LCLAT1: variants seen among roughly 807,000 people sequenced by gnomAD.
The protein encoded by LCLAT1 is lysocardiolipin acyltransferase 1.
A neutral mutation model predicts 30.7 loss-of-function variants in LCLAT1; 11 were observed. The ratio of observed to expected loss-of-function variants is 0.36; its 90% CI spans 0.23 to 0.59. The LOEUF is 0.59. LCLAT1 is among the 20% of genes least tolerant of loss of function. The pLI, the probability that LCLAT1 is intolerant of heterozygous loss-of-function variation, is 0.77. For synonymous variants in LCLAT1, 155 were observed against 151.3 expected, an observed-to-expected ratio of 1.02 and a Z score of -0.18; for missense variants, 402 against 458.6, an observed-to-expected ratio of 0.88 and a Z score of 1.13.
intron 1 of LCLAT1, among the ~76,000 whole-genome samples, chr2:30,487,383 A>C (rs1683609792): frequency 6.6e-6 from 1 of 152,204 alleles, no homozygotes; most frequent in Admixed American, 6.5e-5. Context: ...TAATTTAATA[A>C]ATTGAAACAA....
intron 1 of LCLAT1, among the ~76,000 whole-genome samples, chr2:30,500,943 C>G (rs1684346605): frequency 1.3e-5 from 2 of 152,050 alleles, no homozygotes; most frequent in Admixed American, 6.6e-5. Context: ...TGAAACTTAC[C>G]AAATCACCGT....
At chr2:30,513,194 G>T (rs1006689115) in intron 1 of LCLAT1, among the ~76,000 whole-genome samples, 1 of 151,784 alleles carries the variant, frequency 6.6e-6, no homozygotes, top group African/African-American at 2.4e-5. Context: ...ATGTGTTAGG[G>T]TTTTTCACTG....
chr2:30,516,999 T>G (rs1263973453), intron 1 of LCLAT1, among the ~76,000 whole-genome samples: 1 of 152,190 alleles, frequency 6.6e-6, no homozygotes, highest in Non-Finnish European at 1.5e-5. Flanking sequence ...ACTGTCATCC[T>G]GAATTCCCGG....
intron 5 of LCLAT1, among the ~76,000 whole-genome samples, chr2:30,609,665 A>G (rs891699460): frequency 3.3e-5 from 5 of 152,148 alleles, no homozygotes; most frequent in African/African-American, 9.6e-5. Flanking sequence ...TTTTGTGTGC[A>G]TAACTGTTTA....
intron 1 of LCLAT1, among the ~76,000 whole-genome samples, chr2:30,451,196 A>G (rs1321334623): frequency 2.0e-5 from 3 of 152,232 alleles, no homozygotes; most frequent in Non-Finnish European, 4.4e-5. Flanking sequence ...AATAACTAAA[A>G]TTAAAAAGAT....
intron 5 of LCLAT1, among the ~76,000 whole-genome samples, chr2:30,610,965 ATACCAAACACTG>A (rs1165485791): frequency 2.0e-5 from 3 of 151,696 alleles, no homozygotes; most frequent in African/African-American, 7.3e-5. Flanking sequence ...TATGTAATAG[ATACCAAACACTG>A]AGTTTAATTT....
intron 5 of LCLAT1, among the ~76,000 whole-genome samples, chr2:30,572,786 A>G (rs1665839791): frequency 6.6e-6 from 1 of 151,734 alleles, no homozygotes; most frequent in African/African-American, 2.4e-5. Flanking sequence ...ATGAAAAAAT[A>G]TATATAAAGG....
chr2:30,604,368 T>C (rs1392022431), intron 5 of LCLAT1, among the ~76,000 whole-genome samples: 1 of 152,174 alleles, frequency 6.6e-6, no homozygotes, highest in Non-Finnish European at 1.5e-5. Context: ...TTAATCAGCA[T>C]TGGTAAGCGT....
intron 2 of LCLAT1, among the ~76,000 whole-genome samples, chr2:30,528,631 A>T (rs1237183157): frequency 6.6e-6 from 1 of 152,216 alleles, no homozygotes; most frequent in African/African-American, 2.4e-5. Flanking sequence ...GGACTTACTG[A>T]TAGTGTGATC....
chr2:30,614,194 C>G (rs1257159940), intron 5 of LCLAT1, among the ~76,000 whole-genome samples: 2 of 84,376 alleles, frequency 2.4e-5, no homozygotes, highest in Non-Finnish European at 2.4e-5. Context: ...GGTGATGACT[C>G]TTAAGGAGCA....
chr2:30,512,885 A>T (rs1685008334), intron 1 of LCLAT1, among the ~76,000 whole-genome samples: 1 of 152,172 alleles, frequency 6.6e-6, no homozygotes, highest in Non-Finnish European at 1.5e-5. Flanking sequence ...TACTTACATG[A>T]ACAATGTTGT....
chr2:30,535,616 G>A (rs960736432), intron 3 of LCLAT1, among the ~76,000 whole-genome samples: 1 of 152,128 alleles, frequency 6.6e-6, no homozygotes, highest in African/African-American at 2.4e-5. Flanking sequence ...CCAAAGTCAA[G>A]GCACCCTACC....
intron 5 of LCLAT1, among the ~76,000 whole-genome samples, chr2:30,578,002 C>T (rs1373016049): frequency 6.6e-6 from 1 of 152,028 alleles, no homozygotes; most frequent in Non-Finnish European, 1.5e-5. Context: ...CTTTTAAACA[C>T]TTTGCCTTTT....
chr2:30,621,633 A>T (rs1239758562), intron 5 of LCLAT1, among the ~76,000 whole-genome samples: 1 of 152,144 alleles, frequency 6.6e-6, no homozygotes, highest in Non-Finnish European at 1.5e-5. Context: ...AAGTGTGAGA[A>T]GGGGAACCCG....
intron 3 of LCLAT1, chr2:30,552,520 C>T (rs1031301588): frequency 2.2e-6 from 1 of 449,330 alleles, no homozygotes; most frequent in Non-Finnish European, 4.5e-6. Context: ...CCTAATGATA[C>T]AGGCATACTA....
At chr2:30,480,340 A>G (rs907804545) in intron 1 of LCLAT1, among the ~76,000 whole-genome samples, 1 of 151,940 alleles carries the variant, frequency 6.6e-6, no homozygotes, top group Admixed American at 6.6e-5. Context: ...ACAGGTGTAC[A>G]CCACCATGCT....
intron 5 of LCLAT1, among the ~76,000 whole-genome samples, chr2:30,568,864 C>CA (rs61325694): frequency 0.12 from 10,892 of 88,968 alleles, 805 homozygotes; most frequent in South Asian, 0.24. Context: ...TCATGAATAG[C>CA]AAAAAAAAAA....
rs149878298 is a variant in LCLAT1 at position 30,510,491 on chromosome 2, C to G, written c.-4-15096C>G. Among the ~76,000 whole-genome samples, 96 of 152,162 alleles carry G rather than the reference C, an allele frequency of 6.3e-4. 1 individual carries two copies. The highest frequency in any genetic ancestry group is 2.2e-3 in the African/African-American group (90 of 41,550). On this transcript the variant is annotated intron_variant, in intron 1 of 5. Coordinates refer to ENST00000379509, the MANE Select transcript of LCLAT1 (RefSeq NM_001002257.3). ...TTGTATGTAACCTGTTTTTTCCTTT[C>G]TAGAAGGTTTGTGGAACGTTCTTTG...
chr2:30,491,974 T>C (rs1683854810), intron 1 of LCLAT1, among the ~76,000 whole-genome samples: 1 of 152,218 alleles, frequency 6.6e-6, no homozygotes, highest in Non-Finnish European at 1.5e-5. Flanking sequence ...AACGTTTTTA[T>C]TCCTAAAGGG....
Sources: gnomAD v4.1 joint callset for allele counts (sites outside exome capture counted in the v4.1 genomes callset) on GRCh38, gnomAD v4.1.1 for gene constraint, MANE v1.5 for transcripts, NCBI Gene and HGNC (gene_info 2026-07-23, HGNC 2026-07-21) for gene names.